SOCS5: variants seen among roughly 807,000 people sequenced by gnomAD.
The protein encoded by SOCS5 is suppressor of cytokine signaling 5, also known as CIS-6.
SOCS5 carries 32 observed loss-of-function variants against 42.8 expected under a neutral mutation model. The ratio of observed to expected loss-of-function variants is 0.75; its 90% confidence interval spans 0.56 to 1.01. The LOEUF (loss-of-function observed/expected upper bound fraction) is 1.01, where lower values mean the gene tolerates loss of function less well. Among genes scored for constraint, SOCS5 ranks in the 50% least tolerant of loss-of-function variants. The pLI is 0.00. For synonymous variants in SOCS5, 283 were observed against 229.6 expected, an observed-to-expected ratio of 1.23 and a Z score of -2.10; for missense variants, 627 against 653.0, an observed-to-expected ratio of 0.96 and a Z score of 0.43.
intron 1 of SOCS5, among the ~76,000 whole-genome samples, chr2:46,738,876 T>C (rs1673309496): frequency 6.6e-6 from 1 of 152,190 alleles, no homozygotes; most frequent in Admixed American, 6.5e-5. Context: ...AGAGAGCTAG[T>C]AAGCTGCATT....
At chr2:46,721,190 A>G (rs970422333) in intron 1 of SOCS5, among the ~76,000 whole-genome samples, 2 of 152,134 alleles carry the variant, frequency 1.3e-5, no homozygotes, top group African/African-American at 2.4e-5. Flanking sequence ...AGAGATTTAT[A>G]TGGGAGACTT....
intron 1 of SOCS5, among the ~76,000 whole-genome samples, chr2:46,710,202 A>G (rs2061182): frequency 0.76 from 115,130 of 152,152 alleles, 44,344 homozygotes; most frequent in African/African-American, 0.89. Context: ...GCTGGAGTGC[A>G]GTGGCGCAAT....
At chr2:46,725,394 G>C (rs1485764767) in intron 1 of SOCS5, among the ~76,000 whole-genome samples, 1 of 151,972 alleles carries the variant, frequency 6.6e-6, no homozygotes, top group African/African-American at 2.4e-5. Flanking sequence ...TGGCTCTGCT[G>C]TTTTATTATT....
chr2:46,716,103 C>A (rs989717729), intron 1 of SOCS5, among the ~76,000 whole-genome samples: 9 of 107,716 alleles, frequency 8.4e-5, no homozygotes, highest in African/African-American at 3.8e-4. Context: ...TCATGTCAGA[C>A]ACCCCCCCTT....
At chr2:46,756,419 G>A (rs1476193480) in intron 1 of SOCS5, among the ~76,000 whole-genome samples, 1 of 152,186 alleles carries the variant, frequency 6.6e-6, no homozygotes, top group South Asian at 2.1e-4. Flanking sequence ...TTCTTCGTGT[G>A]TGTATGTTTA....
chr2:46,712,313 T>C (rs1307666448), intron 1 of SOCS5, among the ~76,000 whole-genome samples: 1 of 150,502 alleles, frequency 6.6e-6, no homozygotes, highest in African/African-American at 2.5e-5. Context: ...GAGCTTTTTT[T>C]TTTCCCACAA....
Position 46,762,463 on chromosome 2 carries a change from TTTTATGTA to T in SOCS5, c.*2326_*2333del, listed in dbSNP as rs1207845559. The T allele has an allele frequency of 7.8e-5, 13 of 166,180 alleles. No individual in the cohort carries two copies. The highest frequency in any genetic ancestry group is 2.9e-4 in the African/African-American group (12 of 41,450). 10.3% of individuals were successfully genotyped at this position (166,180 alleles called of 1,614,324 possible). A position where few individuals can be genotyped will look rare whatever the true frequency, so the allele number is the denominator to read the frequency against. ...GTAGTTTTATAGAAAGTATTAATGCTTTTATGTATTTCAAAACTTTCATATGTTAAATG... is the reference window on the plus strand; with the variant it reads ...GTAGTTTTATAGAAAGTATTAATGCTTTTCAAAACTTTCATATGTTAAATG... On this transcript the variant is annotated 3_prime_UTR_variant, in exon 2 of 2. Coordinates refer to ENST00000394861, the MANE Select transcript of SOCS5 (RefSeq NM_144949.3).
rs1322471902 is a variant in SOCS5, at chr2:46,699,668, C to G, written c.-13+219C>G. Among the ~76,000 whole-genome samples, 2 of 152,176 alleles carry G rather than the reference C, an allele frequency of 1.3e-5. No homozygotes were observed. Among genetic ancestry groups the G allele is most frequent in the Non-Finnish European group, 2.9e-5 (2 of 68,018 alleles). ...GGCCGCGAGCCCCGTGCAGACCACG[C>G]CGCTCACAGTGGGAGCTTGCGCTTA... On this transcript the variant is annotated intron_variant, in intron 1 of 1. Coordinates refer to ENST00000394861, the MANE Select transcript of SOCS5 (RefSeq NM_144949.3). The surrounding 1 kb of genome is among the most constrained non-coding windows in gnomAD (Gnocchi z 4.8).
intron 1 of SOCS5, among the ~76,000 whole-genome samples, chr2:46,747,198 A>G (rs968063170): frequency 2.0e-5 from 3 of 151,904 alleles, no homozygotes; most frequent in Non-Finnish European, 2.9e-5. Flanking sequence ...TTTTAAATTT[A>G]TTTGCTTACA....
chr2:46,749,964 C>A (rs1226478368), intron 1 of SOCS5, among the ~76,000 whole-genome samples: 2 of 152,132 alleles, frequency 1.3e-5, no homozygotes, highest in Non-Finnish European at 2.9e-5. Context: ...ATTTTTAAAA[C>A]CTCTCTGTCT....
intron 1 of SOCS5, among the ~76,000 whole-genome samples, chr2:46,723,456 A>G (rs1672924877): frequency 6.6e-6 from 1 of 152,002 alleles, no homozygotes; most frequent in African/African-American, 2.4e-5. Context: ...GAGTTATTGT[A>G]TAAGGTGTGA....
chr2:46,710,199 T>C (rs1034281463), intron 1 of SOCS5, among the ~76,000 whole-genome samples: 1 of 152,196 alleles, frequency 6.6e-6, no homozygotes, highest in Non-Finnish European at 1.5e-5. Flanking sequence ...CACGCTGGAG[T>C]GCAGTGGCGC....
chr2:46,733,156 G>A (rs780271475), intron 1 of SOCS5, among the ~76,000 whole-genome samples: 4 of 151,812 alleles, frequency 2.6e-5, no homozygotes, highest in Non-Finnish European at 4.4e-5. Flanking sequence ...GTGCAGTGGC[G>A]CGATCTCAGC....
intron 1 of SOCS5, among the ~76,000 whole-genome samples, chr2:46,719,745 G>T (rs1304950813): frequency 6.6e-6 from 1 of 152,072 alleles, no homozygotes; most frequent in Non-Finnish European, 1.5e-5. Flanking sequence ...ATAATTAAAA[G>T]TCAAAGCATT....
chr2:46,709,849 A>G (rs1558399626), intron 1 of SOCS5, among the ~76,000 whole-genome samples: 2 of 152,198 alleles, frequency 1.3e-5, no homozygotes, highest in Non-Finnish European at 2.9e-5. Flanking sequence ...TGATTACTTA[A>G]TTTACATACT....
At chr2:46,735,428 G>A (rs1005678301) in intron 1 of SOCS5, among the ~76,000 whole-genome samples, 2 of 152,118 alleles carry the variant, frequency 1.3e-5, no homozygotes, top group Non-Finnish European at 2.9e-5. Context: ...ATGGCCACAA[G>A]GAAGGTTATA....
At chr2:46,709,184 A>G (rs1242116064) in intron 1 of SOCS5, among the ~76,000 whole-genome samples, 2 of 152,062 alleles carry the variant, frequency 1.3e-5, no homozygotes, top group Non-Finnish European at 2.9e-5. Flanking sequence ...TTTACTATCT[A>G]TTCCAGAGCA....
At chr2:46,751,188 C>T (rs923227537) in intron 1 of SOCS5, among the ~76,000 whole-genome samples, 2 of 151,980 alleles carry the variant, frequency 1.3e-5, no homozygotes, top group Admixed American at 1.3e-4. Context: ...TATGTCAGAG[C>T]CTGGTACATT....
intron 1 of SOCS5, among the ~76,000 whole-genome samples, chr2:46,704,374 C>G (rs1672412393): frequency 6.6e-6 from 1 of 152,020 alleles, no homozygotes; most frequent in Non-Finnish European, 1.5e-5. Context: ...GAAAATGGAA[C>G]AATGAGAACT....
Sources: gnomAD v4.1 joint callset for allele counts (sites outside exome capture counted in the v4.1 genomes callset) on GRCh38, gnomAD v4.1.1 for gene constraint, Gnocchi (gnomAD v3.1) non-coding constraint, MANE v1.5 for transcripts, NCBI Gene and HGNC (gene_info 2026-07-23, HGNC 2026-07-21) for gene names.